The following NHSL1 variants were observed in gnomAD, a reference collection of about 807,000 sequenced individuals.
NHSL1 encodes the protein NHS like 1.
Under a neutral mutation model 95.0 loss-of-function variants are expected in NHSL1, and 48 were observed. That is an observed-to-expected ratio of 0.51 (90% CI 0.40 to 0.64). NHSL1 has a LOEUF of 0.64. NHSL1 is among the 30% of genes least tolerant of loss of function. The probability of loss-of-function intolerance (pLI) is 0.00; values close to 1 mark genes in which losing one functional copy is unlikely to be tolerated. For missense variants in NHSL1, 1,971 were observed against 2,077.7 expected (o/e 0.95, Z 1.00); for synonymous variants, 783 against 833.9 (o/e 0.94, Z 1.05).
At chr6:138,502,264 T>C (rs889783502), upstream of NHSL1, among the ~76,000 whole-genome samples, 1 of 152,188 alleles carries the variant, frequency 6.6e-6, no homozygotes, top group Admixed American at 6.5e-5. Context: ...GTTTACCCAA[T>C]CAATTGCCAG....
intron 1 of NHSL1, among the ~76,000 whole-genome samples, chr6:138,638,511 A>G (rs1480154105): frequency 1.3e-5 from 2 of 152,234 alleles, no homozygotes; most frequent in Non-Finnish European, 2.9e-5. Context: ...GATACCTGCA[A>G]TACTTAATTA....
intron 1 of NHSL1, among the ~76,000 whole-genome samples, chr6:138,610,539 T>TAAAAA (rs1390403525): frequency 7.0e-5 from 8 of 114,600 alleles, no homozygotes; most frequent in African/African-American, 3.8e-4. Flanking sequence ...AAAAGTATAA[T>TAAAAA]AATAAAAAAA....
intron 1 of NHSL1, among the ~76,000 whole-genome samples, chr6:138,562,669 A>C (rs187381640): frequency 0.015 from 2,307 of 152,200 alleles, 54 homozygotes; most frequent in African/African-American, 0.051. Context: ...CTCACACACA[A>C]AAAAATATAT....
chr6:138,618,574 G>A (rs1412210800), intron 1 of NHSL1, among the ~76,000 whole-genome samples: 1 of 152,050 alleles, frequency 6.6e-6, no homozygotes, highest in Non-Finnish European at 1.5e-5. Flanking sequence ...TGATATCTTA[G>A]CAACAAGACA....
At chr6:138,627,047 T>C (rs1784749754) in intron 1 of NHSL1, among the ~76,000 whole-genome samples, 1 of 152,148 alleles carries the variant, frequency 6.6e-6, no homozygotes, top group Non-Finnish European at 1.5e-5. Context: ...ATTTAGAACA[T>C]TTGCCATTTC....
intron 1 of NHSL1, among the ~76,000 whole-genome samples, chr6:138,610,320 C>T (rs1784492602): frequency 6.6e-6 from 1 of 151,930 alleles, no homozygotes; most frequent in South Asian, 2.1e-4. Context: ...TGTTCTCACT[C>T]ATAGGTGGGA....
At chr6:138,619,981 A>T (rs1177534903) in intron 1 of NHSL1, among the ~76,000 whole-genome samples, 3 of 151,220 alleles carry the variant, frequency 2.0e-5, no homozygotes, top group Non-Finnish European at 4.4e-5. Context: ...GCAATCTCCA[A>T]GTTAAAACCA....
chr6:138,443,744 C>T (rs527717928), intron 4 of NHSL1, among the ~76,000 whole-genome samples: 7 of 152,266 alleles, frequency 4.6e-5, no homozygotes, highest in South Asian at 2.1e-4. Flanking sequence ...GTGGAAGGAT[C>T]GCTTGAGCCT....
intron 1 of NHSL1, among the ~76,000 whole-genome samples, chr6:138,498,454 T>G (rs1780486458): frequency 6.6e-6 from 1 of 152,184 alleles, no homozygotes; most frequent in South Asian, 2.1e-4. Flanking sequence ...GTGCTGCTCT[T>G]TGTAGCTTTC....
At chr6:138,650,136 G>A (rs1785070558) in intron 1 of NHSL1, 1 of 536,276 alleles carries the variant, frequency 1.9e-6, no homozygotes, top group Admixed American at 2.2e-5. Context: ...TTGTTGGGTT[G>A]GAGTCATCTT....
intron 3 of NHSL1, among the ~76,000 whole-genome samples, chr6:138,448,395 A>T (rs188871053): frequency 1.3e-5 from 2 of 152,334 alleles, no homozygotes; most frequent in East Asian, 3.9e-4. Context: ...TTTAAACGGA[A>T]CTACCAATTA....
intron 1 of NHSL1, among the ~76,000 whole-genome samples, chr6:138,557,046 T>C (rs762175260): frequency 2.0e-5 from 3 of 152,176 alleles, no homozygotes; most frequent in Non-Finnish European, 4.4e-5. Context: ...AAGCAGTAGA[T>C]GATAATCCTC....
Position 138,446,990 on chromosome 6 carries a change from G to A in NHSL1, c.532+11C>T. Reference sequence around the variant, plus strand: ...AGTACATTCTGAACCTGTCTGGCTAGCAAAGCGTACCAGTTATGTTAATAG... The same window carrying A: ...AGTACATTCTGAACCTGTCTGGCTAACAAAGCGTACCAGTTATGTTAATAG... On this transcript the variant is annotated intron_variant, in intron 4 of 7. Coordinates refer to ENST00000343505, the MANE Select transcript of NHSL1 (RefSeq NM_001144060.2). 6.4e-7 allele frequency: 1 copy of A among 1,551,304 alleles called. No individual in the cohort carries two copies. Among genetic ancestry groups the A allele is most frequent in the South Asian group, 1.2e-5 (1 of 84,048 alleles).
chr6:138,650,386 T>C, intron 1 of NHSL1: 3 of 1,406,644 alleles, frequency 2.1e-6, no homozygotes, highest in South Asian at 2.3e-5. Flanking sequence ...TTCACAGCCA[T>C]GAGGTCGCCG....
At chr6:138,569,305 AAGAG>A (rs369885666) in intron 1 of NHSL1, among the ~76,000 whole-genome samples, 10 of 151,032 alleles carry the variant, frequency 6.6e-5, no homozygotes, top group South Asian at 6.3e-4. Context: ...GAGAGAGAAA[AAGAG>A]AGAGAGCGAG....
chr6:138,648,137 T>C (rs1406321261), intron 1 of NHSL1, among the ~76,000 whole-genome samples: 2 of 152,164 alleles, frequency 1.3e-5, no homozygotes, highest in East Asian at 3.8e-4. Flanking sequence ...TAGCAAAATA[T>C]ATATTTTACT....
chr6:138,461,983 A>G (rs1437571787), intron 3 of NHSL1, among the ~76,000 whole-genome samples: 2 of 152,182 alleles, frequency 1.3e-5, no homozygotes, highest in African/African-American at 4.8e-5. Flanking sequence ...TGAGCTAGCC[A>G]CTTGGGACAC....
chr6:138,556,299 T>C (rs1035306191), intron 1 of NHSL1, among the ~76,000 whole-genome samples: 4 of 152,162 alleles, frequency 2.6e-5, no homozygotes, highest in Admixed American at 6.5e-5. Context: ...AGAGTAACTA[T>C]GTAAAGTACC....
At chr6:138,529,683 T>C (rs1282511857) in intron 1 of NHSL1, among the ~76,000 whole-genome samples, 3 of 152,206 alleles carry the variant, frequency 2.0e-5, no homozygotes, top group Non-Finnish European at 4.4e-5. Context: ...AGTCTCCTAC[T>C]GCTCCCTCTA....
Sources: gnomAD v4.1 joint callset for allele counts (sites outside exome capture counted in the v4.1 genomes callset) on GRCh38, gnomAD v4.1.1 for gene constraint, MANE v1.5 for transcripts, NCBI Gene and HGNC (gene_info 2026-07-23, HGNC 2026-07-21) for gene names.